Variants in APOB observed in about 807,000 individuals in gnomAD.
APOB encodes apolipoprotein B-100.
Under a neutral mutation model 314.1 loss-of-function variants are expected in APOB, and 153 were observed. That is an observed-to-expected ratio of 0.49 (90% CI 0.43 to 0.56). APOB has a LOEUF of 0.56. Ranked by LOEUF, APOB falls within the 20% of genes least tolerant of loss-of-function variation. The pLI is 0.00. For missense variants in APOB, 5,430 were observed against 5,350.7 expected (o/e 1.01, Z -0.46); for synonymous variants, 2,087 against 2,036.4 (o/e 1.02, Z -0.67).
At position 21,008,890 on chromosome 2, in the gene APOB, A is replaced by G. The variant is rs1470584261; in HGVS notation, c.7978T>C (p.Ser2660Pro). The change falls in exon 26 of 29, where the codon TCC (serine) becomes CCC (proline). Residue 2660 changes from serine (S) to proline (P), a missense_variant. Coordinates refer to ENST00000233242, the MANE Select transcript of APOB (RefSeq NM_000384.3). ...FTILNTFHIP[S>P]FTIDFVEMKV... ...ATTTCTACAAAGTCAATTGTAAAGGAAGGAATGTGGAAGGTGTTAAGGATG... is the reference window on the plus strand; with the variant it reads ...ATTTCTACAAAGTCAATTGTAAAGGGAGGAATGTGGAAGGTGTTAAGGATG... 6.2e-7 allele frequency: 1 copy of G among 1,614,066 alleles called. No homozygotes were observed. The highest frequency in any genetic ancestry group is 1.1e-5 in the South Asian group (1 of 91,078).
chr2:21,028,899 T>A (rs1173964147), intron 12 of APOB, among the ~76,000 whole-genome samples: 1 of 152,168 alleles, frequency 6.6e-6, no homozygotes, highest in Non-Finnish European at 1.5e-5. Context: ...TTGGGGCTAA[T>A]AAATAGGGTA....
At position 21,002,210 on chromosome 2, in the gene APOB, T is replaced by A; in HGVS notation, c.13212A>T (p.Glu4404Asp). 1 of 1,613,980 alleles carries A rather than the reference T, an allele frequency of 6.2e-7. No homozygotes were observed. The highest frequency in any genetic ancestry group is 8.5e-7 in the Non-Finnish European group (1 of 1,179,968). ...TCTTGATCAGACTGACTATCTTTTC[T>A]TCAAGTTCATAATATTTCACTGTCC... ...VGWTVKYYEL[E>D]EKIVSLIKNL... The change falls in exon 29 of 29, where the codon GAA becomes GAT. Residue 4404 changes from glutamate to aspartate, a missense_variant. By Grantham distance (45) the Glu-to-Asp change is conservative (BLOSUM62 2). Coordinates refer to ENST00000233242, the MANE Select transcript of APOB (RefSeq NM_000384.3).
In APOB at chr2:21,008,102, A is replaced by G. The variant is rs763285729; in HGVS notation, c.8766T>C (p.Thr2922=). 6.2e-7 allele frequency: 1 copy of G among 1,614,072 alleles called. No homozygotes were observed. Among genetic ancestry groups the G allele is most frequent in the South Asian group, 1.1e-5 (1 of 91,066 alleles). The change falls in exon 26 of 29, where the codon ACT becomes ACC. Residue 2922 remains threonine, a synonymous_variant. Transcript: ENST00000233242. Reference sequence around the variant, plus strand: ...ATTTCCATGACCCTTTTCCAGAAGAAGTCCATGCTATGTGGCCAGCTTTCA... The same window carrying G: ...ATTTCCATGACCCTTTTCCAGAAGAGGTCCATGCTATGTGGCCAGCTTTCA... ...TLLKAGHIAW[T]SSGKGSWKWA...
intron 12 of APOB, 43 bp from the exon 13 acceptor site, chr2:21,028,581 G>A (rs749193746): frequency 8.2e-6 from 11 of 1,348,612 alleles, no homozygotes; most frequent in Admixed American, 3.4e-5. Context: ...CCTGTGGTCA[G>A]AACACAGAAC....
intron 13 of APOB, 78 bp downstream of exon 13, chr2:21,028,249 G>A: frequency 7.6e-7 from 1 of 1,320,996 alleles, no homozygotes; most frequent in South Asian, 1.2e-5. Flanking sequence ...AGGGCAGACA[G>A]TGGCTATGCC....
rs554561859 is a variant in APOB, at chr2:21,007,220, T to C, written c.9648A>G (p.Leu3216=). The C allele has an allele frequency of 6.2e-7, 1 of 1,613,822 alleles. No homozygotes were observed. Among genetic ancestry groups the C allele is most frequent in the African/African-American group, 1.3e-5 (1 of 75,014 alleles). ...RHFEKNRNNA[L]DFVTKSYNET... The stretch of plus-strand genomic sequence containing the variant: ...CATTATAGGATTTGGTGACAAAATC[T>C]AATGCATTGTTTCTGTTTTTTTCAA... The change falls in exon 26 of 29, where the codon TTA becomes TTG. Residue 3216 remains leucine (L), a synonymous_variant. Transcript: ENST00000233242.
rs773681906 is a variant in APOB at position 21,011,858 on chromosome 2, C to A, written c.5010G>T (p.Glu1670Asp). 6.2e-7 allele frequency: 1 copy of A among 1,613,936 alleles called. No individual in the cohort carries two copies. Among genetic ancestry groups the A allele is most frequent in the Non-Finnish European group, 8.5e-7 (1 of 1,180,006 alleles). Residue 1670 changes from glutamate to aspartate, a missense_variant, in exon 26 of 29, where the codon GAG becomes GAT. Glu to Asp is a conservative substitution (Grantham distance 45). Transcript: ENST00000233242. ...LKCSLLVLEN[E>D]LNAELGLSGA... is the part of the protein sequence containing the mutation. ...CAGAGAGGCCAAGCTCTGCATTCAGCTCATTCTCCAGCACCAGGAGACTAC... is the reference window on the plus strand; with the variant it reads ...CAGAGAGGCCAAGCTCTGCATTCAGATCATTCTCCAGCACCAGGAGACTAC...
At chr2:21,025,277 C>G (rs1422287284) in intron 15 of APOB, among the ~76,000 whole-genome samples, 153 bp from the exon 16 acceptor site, 2 of 152,162 alleles carry the variant, frequency 1.3e-5, no homozygotes, top group Non-Finnish European at 2.9e-5. Flanking sequence ...GCTAATTCCT[C>G]TAAGCAGAGA....
chr2:21,015,696 G>A (rs1572788185), intron 21 of APOB, 151 bp from the exon 22 acceptor site: 3 of 864,686 alleles, frequency 3.5e-6, no homozygotes, highest in East Asian at 5.3e-5. Context: ...AACTTCTAAA[G>A]CCAACATTCA....
At chr2:21,023,446 T>G in intron 17 of APOB, 79 bp downstream of exon 17, 1 of 1,531,620 alleles carries the variant, frequency 6.5e-7, no homozygotes, top group Non-Finnish European at 9.0e-7. Context: ...GGAAACACAT[T>G]TTTAAATATG....
chr2:21,013,248 G>A lies in APOB; in HGVS notation c.4128C>T (p.Gly1376=), dbSNP rs1363161260. 6.2e-7 allele frequency: 1 copy of A among 1,614,210 alleles called. No individual in the cohort carries two copies. Among genetic ancestry groups the A allele is most frequent in the South Asian group, 1.1e-5 (1 of 91,078 alleles). The change falls in exon 25 of 29, where the codon GGC becomes GGT. Residue 1376 remains glycine, a synonymous_variant. Coordinates refer to ENST00000233242, the MANE Select transcript of APOB (RefSeq NM_000384.3). The stretch of plus-strand genomic sequence containing the variant: ...GGCTGAAATGGTCTGTGCTGGTGTT[G>A]CCACCACTGTAGGAGGCGGACCAGT... ...LYNWSASYSG[G]NTSTDHFSLR...
chr2:21,041,372 C>G (rs1438301131), intron 3 of APOB, among the ~76,000 whole-genome samples: 4 of 152,334 alleles, frequency 2.6e-5, no homozygotes, highest in Middle Eastern at 3.4e-3. Flanking sequence ...TAAAGTTACT[C>G]ACTTTAATTA....
At chr2:21,043,835 C>T in intron 1 of APOB, 29 bp downstream of exon 1, 1 of 1,533,176 alleles carries the variant, frequency 6.5e-7, no homozygotes, top group Non-Finnish European at 8.7e-7. Flanking sequence ...CCCGCTCCCT[C>T]TGCGCCCGCA....
At chr2:21,023,418 A>G in intron 17 of APOB, 107 bp downstream of exon 17, 6 of 1,317,372 alleles carry the variant, frequency 4.6e-6, no homozygotes, top group Non-Finnish European at 6.5e-6. Flanking sequence ...ACAATGATGA[A>G]GCATTTTGTC....
Position 21,032,499 on chromosome 2 carries a change from C to T in APOB, c.1207G>A (p.Ala403Thr), listed in dbSNP as rs755698154. The T allele has an allele frequency of 3.3e-5, 54 of 1,614,044 alleles. No homozygotes were observed. Among genetic ancestry groups the T allele is most frequent in the Non-Finnish European group, 1.4e-5 (17 of 1,180,032 alleles). ...HILQWLKRVH[A>T]NPLLIDVVTY... ...ACCACATCTATCAGAAGGGGGTTGG[C>T]ATGCACACGTTTCAGCCACTGGAGG... The change falls in exon 10 of 29, where the codon GCC becomes ACC. Residue 403 changes from alanine to threonine, a missense_variant. By Grantham distance (58) the Ala-to-Thr change is moderately conservative. Transcript: ENST00000233242.
In APOB at chr2:21,015,419, A is replaced by T; in HGVS notation, c.3459T>A (p.Ser1153=). Reference sequence around the variant, plus strand: ...AAACTGTGGAGCCATAAGCTGTAGCAGATGAGTCCATTTGGAGAAGCAGTT... The same window carrying T: ...AAACTGTGGAGCCATAAGCTGTAGCTGATGAGTCCATTTGGAGAAGCAGTT... ...PAKLLLQMDS[S]ATAYGSTVSK... The change falls in exon 22 of 29, where the codon TCT becomes TCA. Residue 1153 remains serine, a synonymous_variant. Transcript: ENST00000233242. 6.2e-7 allele frequency: 1 copy of T among 1,614,246 alleles called. No homozygotes were observed. The highest frequency in any genetic ancestry group is 1.1e-5 in the South Asian group (1 of 91,080).
chr2:21,007,069 T>C lies in APOB; in HGVS notation c.9799A>G (p.Met3267Val). The C allele has an allele frequency of 6.2e-7, 1 of 1,613,990 alleles. No homozygotes were observed. Among genetic ancestry groups the C allele is most frequent in the Non-Finnish European group, 8.5e-7 (1 of 1,179,954 alleles). Reference sequence around the variant, plus strand: ...GGGAACACATAGCCGAATGCCGACATCTCTATGGTGAATGGAGACACTTCA... The same window carrying C: ...GGGAACACATAGCCGAATGCCGACACCTCTATGGTGAATGGAGACACTTCA... ...NVEVSPFTIEMSAFGYVFPKA... is the reference protein window; with the variant it reads ...NVEVSPFTIEVSAFGYVFPKA... Residue 3267 changes from methionine to valine, a missense_variant, in exon 26 of 29, where the codon ATG becomes GTG. Met to Val is a conservative substitution (Grantham distance 21). Around this residue, in one of 3 missense-constraint regions of APOB, gnomAD observed 3,281 missense variants for 3,171.0 expected, o/e 1.03. Transcript: ENST00000233242.
chr2:21,036,140 A>G (rs1287445966), intron 6 of APOB, among the ~76,000 whole-genome samples: 1 of 152,158 alleles, frequency 6.6e-6, no homozygotes, highest in East Asian at 1.9e-4. Context: ...GGTCAGGCCC[A>G]GGACTTCTTG....
chr2:21,042,200 G>A (rs1458521252), intron 3 of APOB, among the ~76,000 whole-genome samples, 161 bp downstream of exon 3: 1 of 152,190 alleles, frequency 6.6e-6, no homozygotes, highest in African/African-American at 2.4e-5. Context: ...CTTACAAACA[G>A]AGGCAAAGTC....
Sources: gnomAD v4.1 joint callset for allele counts (sites outside exome capture counted in the v4.1 genomes callset) on GRCh38, gnomAD v4.1.1 for gene constraint, gnomAD v4.1.1 regional missense constraint, MANE v1.5 for transcripts, NCBI Gene and HGNC (gene_info 2026-07-23, HGNC 2026-07-21) for gene names.